DDX60L: variants seen among roughly 807,000 people sequenced by gnomAD.
DDX60L encodes the protein DExD/H-box 60 like.
Under a neutral mutation model 211.6 loss-of-function variants are expected in DDX60L, and 191 were observed. The observed-to-expected ratio is 0.90, with a 90% confidence interval of 0.80 to 1.02. The LOEUF (loss-of-function observed/expected upper bound fraction) is 1.02, where lower values mean the gene tolerates loss of function less well. Among genes scored for constraint, DDX60L ranks in the 50% least tolerant of loss-of-function variants. The probability of loss-of-function intolerance (pLI) is 0.00; values close to 1 mark genes in which losing one functional copy is unlikely to be tolerated. For synonymous variants in DDX60L, 706 were observed against 694.1 expected (o/e 1.02, Z -0.27); for missense variants, 2,007 against 1,984.1 (o/e 1.01, Z -0.22).
intron 36 of DDX60L, among the ~76,000 whole-genome samples, chr4:168,371,118 T>C (rs1374023475): frequency 6.6e-6 from 1 of 151,020 alleles, no homozygotes; most frequent in Non-Finnish European, 1.5e-5. Context: ...TCATAAAAAA[T>C]AATATTTTAT....
At chr4:168,404,443 A>G (rs1490563028) in intron 24 of DDX60L, among the ~76,000 whole-genome samples, 5 of 152,088 alleles carry the variant, frequency 3.3e-5, no homozygotes, top group Admixed American at 2.0e-4. Context: ...GTTATTATAT[A>G]ACAAAATAGC....
rs1046965251 is a variant in DDX60L at position 168,378,841 on chromosome 4, G to A, written c.4364-366C>T. Among the ~76,000 whole-genome samples, 5 of 152,096 alleles carry A rather than the reference G, an allele frequency of 3.3e-5. No homozygotes were observed. In the East Asian group the frequency reaches 7.7e-4, roughly 23 times the overall value. On this transcript the variant is annotated intron_variant, in intron 32 of 37. Transcript: ENST00000682922. ...CCTCCTTTACTCAAAAACCTTTGAG[G>A]GTATCTCAACGGCTAATTGAAAAAT...
intron 30 of DDX60L, among the ~76,000 whole-genome samples, chr4:168,382,940 T>A (rs1387326): frequency 0.75 from 113,448 of 152,122 alleles, 43,613 homozygotes; most frequent in East Asian, 0.87. Flanking sequence ...TTACTACTCA[T>A]CGAATATGAT....
rs1224522263 is a variant in DDX60L, at chr4:168,384,759, G to T, written c.3969C>A (p.Phe1323Leu). Residue 1323 changes from phenylalanine to leucine, a missense_variant, in exon 30 of 38, where the codon TTC becomes TTA. Physicochemically the swap from Phe to Leu is conservative, Grantham distance 22. Coordinates refer to ENST00000682922, the MANE Select transcript of DDX60L (RefSeq NM_001012967.3). ...TTATTTTGGGCAATGGGATATCAAA[G>T]AAATACACATTTCCAAGCAGGTCTT... ...RGQDLLGNVYFFDIPLPKIKR... is the reference protein window; with the variant it reads ...RGQDLLGNVYLFDIPLPKIKR... 2 of 1,613,714 alleles carry T rather than the reference G, an allele frequency of 1.2e-6. No homozygotes were observed. Among genetic ancestry groups the T allele is most frequent in the Admixed American group, 1.7e-5 (1 of 59,896 alleles).
intron 29 of DDX60L, 31 bp downstream of exon 29, chr4:168,391,509 A>G: frequency 7.3e-7 from 1 of 1,378,784 alleles, no homozygotes; most frequent in East Asian, 2.4e-5. Context: ...CTCAGCTTTC[A>G]GCAATGGGAG....
chr4:168,468,293 TC>T (rs763358002), intron 4 of DDX60L, among the ~76,000 whole-genome samples: 3 of 152,098 alleles, frequency 2.0e-5, no homozygotes, highest in Non-Finnish European at 4.4e-5. Context: ...AGGATATCTA[TC>T]ATGACCAACT....
chr4:168,471,835 C>T lies in DDX60L; in HGVS notation c.176G>A (p.Gly59Glu). Residue 59 changes from glycine (G) to glutamate (E), a missense_variant, in exon 4 of 38, where the codon GGA becomes GAA. Transcript: ENST00000682922. ...CAGATAGAAAAAGTGGAGATTCTGT[C>T]CCCACTTGAATGATTTTACACCCAG... is the stretch of plus-strand genomic sequence containing the variant. ...TCLGVKSFKWGQNLHFFYLVE... is the reference protein window; with the variant it reads ...TCLGVKSFKWEQNLHFFYLVE... 6.2e-7 allele frequency: 1 copy of T among 1,613,752 alleles called. No homozygotes were observed. Among genetic ancestry groups the T allele is most frequent in the Non-Finnish European group, 8.5e-7 (1 of 1,179,846 alleles).
chr4:168,456,278 T>C (rs1756560240), intron 6 of DDX60L, 126 bp from the exon 7 acceptor site: 1 of 459,502 alleles, frequency 2.2e-6, no homozygotes. Flanking sequence ...GAACTTCAAA[T>C]GTTTAGTTTA....
chr4:168,463,027 G>C (rs1399464465), intron 4 of DDX60L, among the ~76,000 whole-genome samples: 1 of 152,110 alleles, frequency 6.6e-6, no homozygotes, highest in Non-Finnish European at 1.5e-5. Flanking sequence ...AGAGAAAAAG[G>C]AATGCTTAAC....
intron 19 of DDX60L, among the ~76,000 whole-genome samples, chr4:168,419,039 T>C (rs1409215939): frequency 6.6e-6 from 1 of 152,234 alleles, no homozygotes; most frequent in Non-Finnish European, 1.5e-5. Context: ...CCTTCATCCT[T>C]ACAGGGTTGA....
At chr4:168,469,120 CAA>C (rs2150132268) in intron 4 of DDX60L, 1 of 152,118 alleles carries the variant, frequency 6.6e-6, no homozygotes, top group African/African-American at 2.4e-5. Context: ...CTAGAATAGC[CAA>C]AGTTAAACAA....
rs1757588634 is a variant in DDX60L, at chr4:168,463,503, T to C, written c.265-1463A>G. Among the ~76,000 whole-genome samples the C allele has an allele frequency of 2.0e-5, 3 of 152,202 alleles. No individual in the cohort carries two copies. The South Asian group carries it at 6.2e-4, about 32-fold the overall frequency. ...AATAACTAATGGGTACTAGGCTTAA[T>C]ACCTGGGTGAAGAAATAATCTGTAC... is the stretch of plus-strand genomic sequence containing the variant. On this transcript the variant is annotated intron_variant, in intron 4 of 37. Coordinates refer to ENST00000682922, the MANE Select transcript of DDX60L (RefSeq NM_001012967.3).
chr4:168,373,602 C>A, intron 35 of DDX60L, 64 bp downstream of exon 35: 1 of 1,524,974 alleles, frequency 6.6e-7, no homozygotes, highest in Non-Finnish European at 9.0e-7. Flanking sequence ...CAAGGCTTCA[C>A]AGCAATGTAA....
rs1579207167 is a variant in DDX60L at position 168,371,710 on chromosome 4, T to C, written c.4830A>G (p.Pro1610=). The part of the protein sequence containing the change: ...VSGTQAPLLW[P]WKLDNRGRRM... Reference sequence around the variant, plus strand: ...TCCTTCCTCGGTTATCTAATTTCCATGGCCACAGCAGAGGAGCCTGAGTGC... The same window carrying C: ...TCCTTCCTCGGTTATCTAATTTCCACGGCCACAGCAGAGGAGCCTGAGTGC... Residue 1610 remains proline, a synonymous_variant, in exon 36 of 38, where the codon CCA becomes CCG. Transcript: ENST00000682922. 13 of 1,612,540 alleles carry C rather than the reference T, an allele frequency of 8.1e-6. No homozygotes were observed. Among genetic ancestry groups the C allele is most frequent in the Non-Finnish European group, 1.1e-5 (13 of 1,179,044 alleles).
At chr4:168,413,140 C>G (rs1748977050) in intron 22 of DDX60L, among the ~76,000 whole-genome samples, 1 of 152,286 alleles carries the variant, frequency 6.6e-6, no homozygotes, top group South Asian at 2.1e-4. Context: ...CAATGAATAT[C>G]CACAAGCATC....
intron 29 of DDX60L, among the ~76,000 whole-genome samples, chr4:168,385,111 G>A (rs1743636784): frequency 6.6e-6 from 1 of 152,190 alleles, no homozygotes; most frequent in Non-Finnish European, 1.5e-5. Context: ...CAGTCTCTAG[G>A]CAGCTTCAGG....
chr4:168,420,606 A>C (rs1750385557), intron 17 of DDX60L, among the ~76,000 whole-genome samples: 1 of 102,944 alleles, frequency 9.7e-6, no homozygotes, highest in Admixed American at 9.9e-5. Flanking sequence ...TTAAACACAC[A>C]CACACATACA....
intron 1 of DDX60L, among the ~76,000 whole-genome samples, chr4:168,475,370 C>T (rs1759334236): frequency 6.6e-6 from 1 of 152,134 alleles, no homozygotes; most frequent in African/African-American, 2.4e-5. Context: ...TTTGAAAAGT[C>T]TACTGTAATC....
intron 8 of DDX60L, among the ~76,000 whole-genome samples, chr4:168,449,665 A>AAAAAAAAAAAAAAAT (rs1755474696): frequency 1.1e-4 from 3 of 28,500 alleles, no homozygotes; most frequent in African/African-American, 2.1e-4. Flanking sequence ...AAAAAAAAAA[A>AAAAAAAAAAAAAAAT]GAAAAAAGAA....
Sources: gnomAD v4.1 joint callset for allele counts (sites outside exome capture counted in the v4.1 genomes callset) on GRCh38, gnomAD v4.1.1 for gene constraint, MANE v1.5 for transcripts, NCBI Gene and HGNC (gene_info 2026-07-23, HGNC 2026-07-21) for gene names.